The following PCDH9 variants were observed in gnomAD, a reference collection of about 807,000 sequenced individuals.
PCDH9 encodes protocadherin 9.
Under a neutral mutation model 70.6 loss-of-function variants are expected in PCDH9, and 24 were observed. The ratio of observed to expected loss-of-function variants is 0.34; its 90% CI spans 0.25 to 0.48. The LOEUF (loss-of-function observed/expected upper bound fraction) is 0.48. Ranked by LOEUF, PCDH9 falls within the 20% of genes least tolerant of loss-of-function variation. The pLI, the probability that PCDH9 is intolerant of heterozygous loss-of-function variation, is 0.99. For synonymous variants in PCDH9, 562 were observed against 558.5 expected, an observed-to-expected ratio of 1.01 and a Z score of -0.09; for missense variants, 1,281 against 1,503.6, an observed-to-expected ratio of 0.85 and a Z score of 2.45.
intron 2 of PCDH9, among the ~76,000 whole-genome samples, chr13:66,965,833 CAA>C (rs939335845): frequency 1.4e-4 from 21 of 151,700 alleles, no homozygotes; most frequent in Admixed American, 3.3e-4. Flanking sequence ...GAACATAAGA[CAA>C]AATATGTGAA....
chr13:66,391,977 G>A (rs1333162649), intron 4 of PCDH9, among the ~76,000 whole-genome samples: 1 of 149,868 alleles, frequency 6.7e-6, no homozygotes, highest in Non-Finnish European at 1.5e-5. Flanking sequence ...AAATTTAAAT[G>A]GTAACTGCTG....
intron 4 of PCDH9, among the ~76,000 whole-genome samples, chr13:66,619,142 G>C (rs1431640153): frequency 2.0e-5 from 3 of 152,028 alleles, no homozygotes; most frequent in Admixed American, 2.0e-4. Context: ...ACTACATTAA[G>C]TAATATTATA....
rs145257721 is a variant in PCDH9 at position 66,304,669 on chromosome 13, C to T, written c.3700G>A (p.Glu1234Lys). The change falls in exon 5 of 5, where the codon GAG becomes AAG. Residue 1234 changes from glutamate to lysine, a missense_variant. Glu to Lys is a moderately conservative substitution (Grantham distance 56). Transcript: ENST00000377865. ...QAGGATESPK[E>K]HQL Reference sequence around the variant, plus strand: ...ATAGCCTTTTCTTAGAGTTGGTGCTCCTTAGGACTCTCAGTAGCACCTCCT... The same window carrying T: ...ATAGCCTTTTCTTAGAGTTGGTGCTTCTTAGGACTCTCAGTAGCACCTCCT... 3.1e-6 allele frequency: 5 copies of T among 1,612,282 alleles called. No homozygotes were observed. The African/African-American group carries it at 6.7e-5, about 22-fold the overall frequency.
At chr13:66,561,862 C>G (rs1169621254) in intron 4 of PCDH9, among the ~76,000 whole-genome samples, 2 of 152,034 alleles carry the variant, frequency 1.3e-5, no homozygotes, top group African/African-American at 4.8e-5. Flanking sequence ...AGTGGCAACC[C>G]GCTCGGGTCC....
chr13:66,456,321 G>A (rs1345913833), intron 4 of PCDH9, among the ~76,000 whole-genome samples: 3 of 152,112 alleles, frequency 2.0e-5, no homozygotes, highest in Non-Finnish European at 2.9e-5. Flanking sequence ...GAGTGCGGCA[G>A]TGCAATCATA....
Position 66,892,141 on chromosome 13 carries a change from CTTACA to C in PCDH9, c.3138+11358_3138+11362del, listed in dbSNP as rs564742107. Among the ~76,000 whole-genome samples, 793 of 150,378 alleles carry C rather than the reference CTTACA, an allele frequency of 5.3e-3. 5 individuals carry two copies. Among genetic ancestry groups the C allele is most frequent in the African/African-American group, 0.018 (752 of 41,058 alleles). On this transcript the variant is annotated intron_variant, in intron 3 of 4. Coordinates refer to ENST00000377865, the MANE Select transcript of PCDH9 (RefSeq NM_203487.3). The stretch of plus-strand genomic sequence containing the variant: ...AATAAAAGTGGCCACTGTGAATCTA[CTTACA>C]TTACGTGTGTGTGTGTGTATACTCC...
intron 2 of PCDH9, among the ~76,000 whole-genome samples, chr13:66,954,978 TG>T (rs1489849045): frequency 6.6e-6 from 1 of 152,150 alleles, no homozygotes; most frequent in Non-Finnish European, 1.5e-5. Flanking sequence ...TTAGCCAGGA[TG>T]GTCTCGATCT....
intron 4 of PCDH9, among the ~76,000 whole-genome samples, chr13:66,468,863 T>TTGAAGTTACAG (rs1162428538): frequency 6.2e-4 from 95 of 152,228 alleles, no homozygotes; most frequent in Middle Eastern, 3.4e-3. Context: ...GCTTAAATAC[T>TTGAAGTTACAG]TGAAGTTACA....
chr13:66,736,453 C>A (rs565586397), intron 3 of PCDH9, among the ~76,000 whole-genome samples: 12 of 152,268 alleles, frequency 7.9e-5, no homozygotes, highest in African/African-American at 2.2e-4. Flanking sequence ...CTGGAGAAAC[C>A]AAATATACCC....
intron 3 of PCDH9, among the ~76,000 whole-genome samples, chr13:66,898,727 A>T (rs1228063353): frequency 1.3e-5 from 2 of 151,998 alleles, no homozygotes; most frequent in Non-Finnish European, 2.9e-5. Context: ...AGTAAGACAA[A>T]AGCAAAAGGG....
At chr13:66,749,102 G>T (rs562362975) in intron 3 of PCDH9, among the ~76,000 whole-genome samples, 104 of 152,180 alleles carry the variant, frequency 6.8e-4, no homozygotes, top group Non-Finnish European at 1.1e-3. Flanking sequence ...CCCCAGCCAT[G>T]TGGAACTGTG....
chr13:66,874,259 C>T (rs2081755617), intron 3 of PCDH9, among the ~76,000 whole-genome samples: 1 of 152,164 alleles, frequency 6.6e-6, no homozygotes, highest in African/African-American at 2.4e-5. Context: ...CTCAGCCCTG[C>T]AAATCTTAAC....
intron 2 of PCDH9, chr13:67,216,683 C>CATATACATATATATATATATAT (rs2089609558): frequency 2.2e-5 from 2 of 90,710 alleles, no homozygotes; most frequent in Non-Finnish European, 4.7e-5. Context: ...TCTTAAGCAA[C>CATATACATATATATATATATAT]ATATATATAT....
chr13:66,477,389 T>G (rs1270314647), intron 4 of PCDH9, among the ~76,000 whole-genome samples: 2 of 152,196 alleles, frequency 1.3e-5, no homozygotes, highest in South Asian at 2.1e-4. Context: ...ATTATAAATG[T>G]AAATCTCATT....
At chr13:66,570,348 T>C (rs1224890169) in intron 4 of PCDH9, among the ~76,000 whole-genome samples, 9 of 152,126 alleles carry the variant, frequency 5.9e-5, no homozygotes, top group Admixed American at 5.2e-4. Context: ...GCATTTTGAC[T>C]ACTTTGGTGG....
Position 67,158,701 on chromosome 13 carries a change from C to T in PCDH9, c.3036+66704G>A, listed in dbSNP as rs150915882. On this transcript the variant is annotated intron_variant, in intron 2 of 4. Transcript: ENST00000377865. ...AGAAATAAATTTGCTGTTGAAGCCACCCACTCTATGATGTTCTGTTATGGC... is the reference window on the plus strand; with the variant it reads ...AGAAATAAATTTGCTGTTGAAGCCATCCACTCTATGATGTTCTGTTATGGC... Among the ~76,000 whole-genome samples the T allele has an allele frequency of 7.2e-3, 1,089 of 152,272 alleles. 6 individuals carry two copies. The highest frequency in any genetic ancestry group is 0.012 in the Non-Finnish European group (816 of 68,020).
chr13:66,790,301 A>G (rs2080144064), intron 3 of PCDH9, among the ~76,000 whole-genome samples: 1 of 152,030 alleles, frequency 6.6e-6, no homozygotes, highest in Non-Finnish European at 1.5e-5. Context: ...TTGTTTTCTT[A>G]TTGATTCCTA....
intron 3 of PCDH9, among the ~76,000 whole-genome samples, chr13:66,892,037 A>G (rs1198841286): frequency 6.6e-6 from 1 of 151,768 alleles, no homozygotes; most frequent in African/African-American, 2.4e-5. Flanking sequence ...AAAACTTGAA[A>G]TATTATAATA....
chr13:66,863,430 C>G (rs183353042), intron 3 of PCDH9, among the ~76,000 whole-genome samples: 1 of 152,178 alleles, frequency 6.6e-6, no homozygotes, highest in East Asian at 1.9e-4. Flanking sequence ...TTAAATAAAA[C>G]GTATGATTAA....
Sources: allele counts gnomAD v4.1 joint callset (sites outside exome capture counted in the v4.1 genomes callset), GRCh38; gene constraint gnomAD v4.1.1; transcripts MANE v1.5; gene names NCBI Gene and HGNC (gene_info 2026-07-23, HGNC 2026-07-21).